GTF2IRD1: variants seen among roughly 807,000 people sequenced by gnomAD.
GTF2IRD1 encodes general transcription factor II-I repeat domain-containing protein 1.
In GTF2IRD1, 26 loss-of-function variants were observed where a neutral mutation model predicts 113.2. The ratio of observed to expected loss-of-function variants is 0.23; its 90% CI spans 0.17 to 0.32. The LOEUF (loss-of-function observed/expected upper bound fraction) is 0.32. Among genes scored for constraint, GTF2IRD1 ranks in the 10% least tolerant of loss-of-function variants. The pLI, the probability that GTF2IRD1 is intolerant of heterozygous loss-of-function variation, is 1.00. For missense variants in GTF2IRD1, 864 were observed against 1,280.8 expected (o/e 0.67, Z 4.97); for synonymous variants, 484 against 529.1 (o/e 0.91, Z 1.17).
chr7:74,578,885 G>A (rs1554365303), intron 22 of GTF2IRD1, among the ~76,000 whole-genome samples: 1 of 151,856 alleles, frequency 6.6e-6, no homozygotes, highest in African/African-American at 2.4e-5. Flanking sequence ...TATTCAAGAG[G>A]CTGAGGCGGG....
At position 74,535,252 on chromosome 7, in the gene GTF2IRD1, G is replaced by C. The variant is rs6947092; in HGVS notation, c.1300+114G>C. 4.5e-3 allele frequency: 3,696 copies of C among 814,368 alleles called. 86 individuals are homozygous for C. The African/African-American group carries it at 0.048, about 11-fold the overall frequency. The allele number at this position is 814,368 out of a possible 1,614,324, so 50.4% of individuals were successfully genotyped here. ...CTGAGCGCCTCCCCTCAGGCAGGGA[G>C]GGAGGCTGGGCTGTGGTTTCTGTGT... On this transcript the variant is annotated intron_variant, in intron 10 of 26. Coordinates refer to ENST00000424337, the MANE Select transcript of GTF2IRD1 (RefSeq NM_005685.4).
Position 74,538,230 on chromosome 7 carries a change from C to T in GTF2IRD1, c.1447+57C>T, listed in dbSNP as rs1798417655. 1.9e-6 allele frequency: 3 copies of T among 1,559,322 alleles called. No individual in the cohort carries two copies. In the South Asian group the frequency reaches 3.3e-5, roughly 17 times the overall value. On this transcript the variant is annotated intron_variant, in intron 12 of 26. Transcript: ENST00000424337. ...GTGGGCCGGGAGGGCAACCACCAGC[C>T]CTACCCGGCAGCCTTGGGGAGGAGC... is the stretch of plus-strand genomic sequence containing the variant.
At chr7:74,483,159 G>T (rs1473819559) in intron 1 of GTF2IRD1, among the ~76,000 whole-genome samples, 1 of 152,110 alleles carries the variant, frequency 6.6e-6, no homozygotes, top group East Asian at 1.9e-4. Flanking sequence ...GTTAGATGAG[G>T]GGCCCATCTA....
chr7:74,509,406 T>G (rs550768270), intron 2 of GTF2IRD1, among the ~76,000 whole-genome samples: 1 of 149,566 alleles, frequency 6.7e-6, no homozygotes, highest in East Asian at 2.0e-4. Flanking sequence ...GGTGGCACAT[T>G]CCTGTAATCC....
chr7:74,593,476 G>A (rs1455717739), intron 24 of GTF2IRD1, among the ~76,000 whole-genome samples: 1 of 146,588 alleles, frequency 6.8e-6, no homozygotes, highest in African/African-American at 2.5e-5. Flanking sequence ...GCTCACGCCT[G>A]TAATCCCAGC....
chr7:74,474,082 CA>C (rs1794265231), intron 1 of GTF2IRD1, among the ~76,000 whole-genome samples: 1 of 29,036 alleles, frequency 3.4e-5, no homozygotes, highest in East Asian at 5.7e-4. Context: ...AAAAAAAAAA[CA>C]AACAAAAAAA....
chr7:74,513,100 G>A (rs1796728439), intron 3 of GTF2IRD1, 129 bp downstream of exon 3: 4 of 849,410 alleles, frequency 4.7e-6, no homozygotes, highest in Middle Eastern at 3.6e-4. Context: ...TAACAAGCTA[G>A]GTTGTCTGAG....
At chr7:74,602,237 A>G in intron 26 of GTF2IRD1, 128 bp from the exon 27 acceptor site, 2 of 1,132,294 alleles carry the variant, frequency 1.8e-6, no homozygotes, top group South Asian at 2.1e-5. Context: ...GTGAAACTCC[A>G]TCTCAAAAAA....
intron 22 of GTF2IRD1, 94 bp from the exon 23 acceptor site, chr7:74,589,757 G>T: frequency 2.7e-6 from 2 of 747,060 alleles, no homozygotes; most frequent in Middle Eastern, 2.4e-4. Flanking sequence ...AGAATGTAAT[G>T]TTTTGGCAGA....
In GTF2IRD1 at chr7:74,542,757, G is replaced by A. The variant is rs183884641; in HGVS notation, c.1619-1998G>A. Among the ~76,000 whole-genome samples, 745 of 152,342 alleles carry A rather than the reference G, an allele frequency of 4.9e-3. 27 individuals carry two copies. The highest frequency in any genetic ancestry group is 0.044 in the Admixed American group (674 of 15,296). On this transcript the variant is annotated intron_variant, in intron 14 of 26. Transcript: ENST00000424337. Reference sequence around the variant, plus strand: ...GGCGTGGCGCCTAAGGAATTGGCACGGTGCCCAGCTGGGTTTGCAGTGGCC... The same window carrying A: ...GGCGTGGCGCCTAAGGAATTGGCACAGTGCCCAGCTGGGTTTGCAGTGGCC...
chr7:74,592,099 A>G (rs1473556611), intron 24 of GTF2IRD1, among the ~76,000 whole-genome samples: 1 of 151,702 alleles, frequency 6.6e-6, no homozygotes, highest in Non-Finnish European at 1.5e-5. Flanking sequence ...TTTTATTAAT[A>G]TATTATTACT....
chr7:74,503,219 T>G, intron 1 of GTF2IRD1, among the ~76,000 whole-genome samples: 1 of 151,238 alleles, frequency 6.6e-6, no homozygotes, highest in African/African-American at 2.4e-5. Flanking sequence ...AGCGGTCACC[T>G]CTGATGAGGT....
At chr7:74,530,081 G>A (rs1247072576) in intron 9 of GTF2IRD1, among the ~76,000 whole-genome samples, 164 bp downstream of exon 9, 1 of 152,122 alleles carries the variant, frequency 6.6e-6, no homozygotes, top group Non-Finnish European at 1.5e-5. Flanking sequence ...GTGGTGGTGG[G>A]TGCCTGTAAT....
intron 17 of GTF2IRD1, among the ~76,000 whole-genome samples, chr7:74,553,758 G>A (rs1246051851): frequency 2.0e-5 from 3 of 152,148 alleles, no homozygotes; most frequent in Admixed American, 6.6e-5. Context: ...AAGCACTGTC[G>A]CTACTCTGGC....
chr7:74,587,879 T>A (rs868946185), intron 22 of GTF2IRD1, among the ~76,000 whole-genome samples: 1 of 152,096 alleles, frequency 6.6e-6, no homozygotes, highest in Admixed American at 6.5e-5. Flanking sequence ...GACGGTTACC[T>A]GGGCAGTGAG....
chr7:74,476,715 C>T (rs1427869024), intron 1 of GTF2IRD1, among the ~76,000 whole-genome samples: 2 of 152,154 alleles, frequency 1.3e-5, no homozygotes, highest in African/African-American at 4.8e-5. Context: ...AACAGCCACC[C>T]AGCCTTTGGG....
In GTF2IRD1 at chr7:74,558,347, C is replaced by CTT. The variant is rs1193682168; in HGVS notation, c.2108-485_2108-484dup. Among the ~76,000 whole-genome samples the CTT allele has an allele frequency of 5.3e-3, 318 of 60,454 alleles. 61 individuals carry two copies. The highest frequency in any genetic ancestry group is 7.0e-3 in the Non-Finnish European group (243 of 34,486). The allele number at this position is 60,454 out of a possible 152,430, so 39.7% of individuals were successfully genotyped here. A position where few individuals can be genotyped will look rare whatever the true frequency, so the allele number is the denominator to read the frequency against. On this transcript the variant is annotated intron_variant, in intron 20 of 26. Coordinates refer to ENST00000424337, the MANE Select transcript of GTF2IRD1 (RefSeq NM_005685.4). ...ATTGGTGTGGCTTTTTCTTTCGTTTCTTTTTTTTTTTTTTTTTTTTTTTTT... is the reference window on the plus strand; with the variant it reads ...ATTGGTGTGGCTTTTTCTTTCGTTTCTTTTTTTTTTTTTTTTTTTTTTTTTTT...
intron 1 of GTF2IRD1, among the ~76,000 whole-genome samples, chr7:74,485,895 C>T (rs1201061086): frequency 6.6e-6 from 1 of 152,008 alleles, no homozygotes; most frequent in East Asian, 1.9e-4. Flanking sequence ...CTCTGCACTC[C>T]AGCCTCGGTG....
intron 22 of GTF2IRD1, among the ~76,000 whole-genome samples, chr7:74,570,095 G>C (rs1554362161): frequency 6.6e-6 from 1 of 152,124 alleles, no homozygotes; most frequent in Admixed American, 6.6e-5. Flanking sequence ...GGGCGCGGTG[G>C]CTCAGCCTGT....
Sources: gnomAD v4.1 joint callset for allele counts (sites outside exome capture counted in the v4.1 genomes callset) on GRCh38, gnomAD v4.1.1 for gene constraint, MANE v1.5 for transcripts, NCBI Gene and HGNC (gene_info 2026-07-23, HGNC 2026-07-21) for gene names.